Variants in ATP5MJ observed in about 807,000 individuals in gnomAD.
ATP5MJ encodes ATP synthase membrane subunit j, also known as ATP synthase F(0) complex subunit j, mitochondrial.
In ATP5MJ, 4 loss-of-function variants were observed where a neutral mutation model predicts 8.3. The observed-to-expected ratio is 0.48, with a 90% CI of 0.24 to 1.11. ATP5MJ has a LOEUF of 1.11. ATP5MJ is among the 50% of genes least tolerant of loss of function. The pLI is 0.18. For missense variants in ATP5MJ, 66 were observed against 71.8 expected (o/e 0.92, Z 0.29); for synonymous variants, 23 against 21.3 (o/e 1.08, Z -0.23).
Position 103,914,001 on chromosome 14 carries a change from GA to G in ATP5MJ, c.125-18del, listed in dbSNP as rs762486965. On this transcript the variant is annotated intron_variant, in intron 2 of 3. Coordinates refer to ENST00000286953, the MANE Select transcript of ATP5MJ (RefSeq NM_004894.3). ...TTCTTTTATCTAAAATAAAAGGAAG[GA>G]AAAAAAAGCAGTCATATCAATGCTT... is the stretch of plus-strand genomic sequence containing the variant. The G allele has an allele frequency of 3.1e-6, 5 of 1,593,786 alleles. No individual in the cohort carries two copies. The highest frequency in any genetic ancestry group is 1.4e-5 in the African/African-American group (1 of 73,438).
intron 1 of ATP5MJ, chr14:103,921,055 A>G: frequency 6.4e-7 from 1 of 1,550,486 alleles, no homozygotes; most frequent in Non-Finnish European, 8.7e-7. Flanking sequence ...GTACAGCATA[A>G]CGTGGAGGGC....
At chr14:103,914,155 A>G (rs950290247) in intron 2 of ATP5MJ, 171 bp from the exon 3 acceptor site, 2 of 637,138 alleles carry the variant, frequency 3.1e-6, no homozygotes, top group Non-Finnish European at 2.7e-6. Context: ...AAGATGTTCT[A>G]TGAACAGCTA....
intron 1 of ATP5MJ, among the ~76,000 whole-genome samples, chr14:103,919,900 C>T (rs958792754): frequency 1.3e-5 from 2 of 151,856 alleles, no homozygotes; most frequent in Non-Finnish European, 2.9e-5. Context: ...GATCGCGGCT[C>T]ACTGCAACCT....
intron 1 of ATP5MJ, among the ~76,000 whole-genome samples, chr14:103,917,240 G>A (rs1374871876): frequency 6.6e-6 from 1 of 152,152 alleles, no homozygotes; most frequent in African/African-American, 2.4e-5. Context: ...CTGTAAAACA[G>A]GGATAAAAAC....
At chr14:103,913,785 C>G (rs1174978994) in intron 3 of ATP5MJ, 176 bp downstream of exon 3, 1 of 703,868 alleles carries the variant, frequency 1.4e-6, no homozygotes, top group Non-Finnish European at 2.4e-6. Context: ...AGCAGAAATT[C>G]AGAATTCTCT....
intron 1 of ATP5MJ, among the ~76,000 whole-genome samples, chr14:103,920,050 C>A (rs909606375): frequency 9.2e-5 from 14 of 151,690 alleles, no homozygotes; most frequent in African/African-American, 2.9e-4. Context: ...TGGTCTCGGT[C>A]TCTTAACCTC....
chr14:103,915,694 G>A (rs2087620359), intron 1 of ATP5MJ, among the ~76,000 whole-genome samples: 2 of 145,848 alleles, frequency 1.4e-5, no homozygotes, highest in South Asian at 4.4e-4. Context: ...TTACCACATT[G>A]GTCAGGCTGG....
In ATP5MJ at chr14:103,913,990, A is replaced by C. The variant is rs1206640666; in HGVS notation, c.125-6T>G. ...CAAAGCCTTACTTCTTTTATCTAAA[A>C]TAAAAGGAAGGAAAAAAAAGCAGTC... is the stretch of plus-strand genomic sequence containing the variant. On this transcript the variant is annotated splice_region_variant and splice_polypyrimidine_tract_variant and intron_variant, in intron 2 of 3. Coordinates refer to ENST00000286953, the MANE Select transcript of ATP5MJ (RefSeq NM_004894.3). 2 of 1,604,034 alleles carry C rather than the reference A, an allele frequency of 1.2e-6. No homozygotes were observed. The highest frequency in any genetic ancestry group is 1.7e-6 in the Non-Finnish European group (2 of 1,176,644).
At chr14:103,917,480 GTTTT>G (rs558219678) in intron 1 of ATP5MJ, among the ~76,000 whole-genome samples, 3 of 151,806 alleles carry the variant, frequency 2.0e-5, no homozygotes, top group African/African-American at 4.8e-5. Flanking sequence ...TTGCTTTAGG[GTTTT>G]TTTGTTTCCC....
intron 1 of ATP5MJ, 77 bp downstream of exon 1, chr14:103,921,393 G>A: frequency 4.0e-6 from 1 of 252,580 alleles, no homozygotes; most frequent in Non-Finnish European, 7.9e-6. Context: ...AAGATCAGCT[G>A]GGGCCAAGGC....
At chr14:103,914,476 C>A in intron 2 of ATP5MJ, 1 of 638,608 alleles carries the variant, frequency 1.6e-6, no homozygotes, top group Non-Finnish European at 2.8e-6. Flanking sequence ...TAAGAAAACT[C>A]ACAATTCTGA....
intron 3 of ATP5MJ, 93 bp from the exon 4 acceptor site, chr14:103,912,787 A>T (rs549581288): frequency 7.8e-7 from 1 of 1,281,422 alleles, no homozygotes; most frequent in African/African-American, 1.5e-5. Context: ...AAGTTGATCA[A>T]CAGTCCAAAA....
chr14:103,915,306 C>T lies in ATP5MJ; in HGVS notation c.1-117G>A, dbSNP rs1015536161. The T allele has an allele frequency of 5.8e-6, 7 of 1,206,602 alleles. No individual in the cohort carries two copies. In the Admixed American group the frequency reaches 9.1e-5, roughly 16 times the overall value. 74.7% of individuals were successfully genotyped at this position (1,206,602 alleles called of 1,614,324 possible). A position where few individuals can be genotyped will look rare whatever the true frequency, so the allele number is the denominator to read the frequency against. ...TCCCATGACTGCTAGGGAGCCTCGCCTGTGTCAGATGTCAGACCCGTTCTG... is the reference window on the plus strand; with the variant it reads ...TCCCATGACTGCTAGGGAGCCTCGCTTGTGTCAGATGTCAGACCCGTTCTG... On this transcript the variant is annotated intron_variant, in intron 1 of 3. Coordinates refer to ENST00000286953, the MANE Select transcript of ATP5MJ (RefSeq NM_004894.3).
At chr14:103,916,669 T>G (rs191663955) in intron 1 of ATP5MJ, among the ~76,000 whole-genome samples, 19 of 152,262 alleles carry the variant, frequency 1.2e-4, no homozygotes, top group African/African-American at 3.8e-4. Context: ...CTGCTTGAGC[T>G]TGGGTGGTTG....
intron 1 of ATP5MJ, among the ~76,000 whole-genome samples, chr14:103,915,459 G>C (rs558810076): frequency 6.6e-6 from 1 of 152,108 alleles, no homozygotes; most frequent in East Asian, 1.9e-4. Context: ...TGATTCTCCT[G>C]CCTCAGCCTC....
rs140839237 is a variant in ATP5MJ at position 103,918,639 on chromosome 14, C to T, written c.-1+2831G>A. On this transcript the variant is annotated intron_variant, in intron 1 of 3. Coordinates refer to ENST00000286953, the MANE Select transcript of ATP5MJ (RefSeq NM_004894.3). The stretch of plus-strand genomic sequence containing the variant: ...CCTCCCAAAGTGCAGGGATTACAGG[C>T]GTGGGCCACCAGGCTCAACCCAGAG... Among the ~76,000 whole-genome samples the T allele has an allele frequency of 4.9e-3, 752 of 152,136 alleles. 6 individuals carry two copies. Among genetic ancestry groups the T allele is most frequent in the African/African-American group, 0.017 (716 of 41,524 alleles).
Position 103,912,635 on chromosome 14 carries a change from T to C in ATP5MJ, c.*31A>G. On this transcript the variant is annotated 3_prime_UTR_variant, in exon 4 of 4. Coordinates refer to ENST00000286953, the MANE Select transcript of ATP5MJ (RefSeq NM_004894.3). ...CTGAAATTTACAGGCAGACTGACGT[T>C]TTCTTTCACATGTACTCCAAGTAAA... is the stretch of plus-strand genomic sequence containing the variant. The C allele has an allele frequency of 6.2e-7, 1 of 1,612,186 alleles. No individual in the cohort carries two copies. Among genetic ancestry groups the C allele is most frequent in the Non-Finnish European group, 8.5e-7 (1 of 1,178,808 alleles).
chr14:103,912,879 A>G (rs1370271812), intron 3 of ATP5MJ, 185 bp from the exon 4 acceptor site: 1 of 611,026 alleles, frequency 1.6e-6, no homozygotes, highest in African/African-American at 1.8e-5. Context: ...GGTTCATGTA[A>G]TGACAGCAGA....
intron 1 of ATP5MJ, among the ~76,000 whole-genome samples, chr14:103,918,775 C>T (rs905928439): frequency 2.6e-5 from 4 of 152,194 alleles, no homozygotes; most frequent in Admixed American, 2.0e-4. Flanking sequence ...GTAATTCCAG[C>T]ACTTTGGGGG....
Sources: allele counts gnomAD v4.1 joint callset (sites outside exome capture counted in the v4.1 genomes callset), GRCh38; gene constraint gnomAD v4.1.1; transcripts MANE v1.5; gene names NCBI Gene and HGNC (gene_info 2026-07-23, HGNC 2026-07-21).